The following CLCA1 variants were observed in gnomAD, a reference collection of about 807,000 sequenced individuals.
CLCA1 encodes the protein chloride channel accessory 1.
In CLCA1, 59 loss-of-function variants were observed where a neutral mutation model predicts 85.6. The ratio of observed to expected loss-of-function variants is 0.69; its 90% CI spans 0.56 to 0.86. CLCA1 has a LOEUF of 0.86. Ranked by LOEUF, CLCA1 falls within the 40% of genes least tolerant of loss-of-function variation. CLCA1 has a pLI of 0.00. For missense variants in CLCA1, 1,022 were observed against 1,101.4 expected (o/e 0.93, Z 1.02); for synonymous variants, 396 against 398.3 (o/e 0.99, Z 0.07).
At chr1:86,483,025 G>A (rs2791512) in intron 5 of CLCA1, among the ~76,000 whole-genome samples, 107,957 of 152,044 alleles carry the variant, frequency 0.71, 39,093 homozygotes, top group Non-Finnish European at 0.79. Context: ...AGTCTCTCTT[G>A]TCTTCCAGTC....
intron 7 of CLCA1, among the ~76,000 whole-genome samples, chr1:86,487,760 T>C: frequency 6.6e-6 from 1 of 152,202 alleles, no homozygotes; most frequent in Non-Finnish European, 1.5e-5. Context: ...CCTCTAGCCA[T>C]ACTGTATACT....
intron 10 of CLCA1, 66 bp downstream of exon 10, chr1:86,493,665 T>C (rs928275415): frequency 1.2e-5 from 15 of 1,245,392 alleles, no homozygotes; most frequent in Middle Eastern, 1.9e-4. Flanking sequence ...TACAGAATAA[T>C]TGTAGCATTT....
intron 4 of CLCA1, among the ~76,000 whole-genome samples, chr1:86,477,149 T>C (rs1189216806): frequency 6.6e-6 from 1 of 152,128 alleles, no homozygotes; most frequent in Non-Finnish European, 1.5e-5. Context: ...ACAGGCAGGG[T>C]GTCCTTATGT....
intron 1 of CLCA1, among the ~76,000 whole-genome samples, chr1:86,472,742 A>T (rs1044559214): frequency 1.3e-5 from 2 of 152,216 alleles, no homozygotes; most frequent in African/African-American, 4.8e-5. Context: ...ACAAAAAATA[A>T]ATACTTCTAT....
At chr1:86,499,614 A>G in intron 13 of CLCA1, 40 bp from the exon 14 acceptor site, 3 of 1,321,540 alleles carry the variant, frequency 2.3e-6, no homozygotes, top group African/African-American at 1.5e-5. Flanking sequence ...TTTCTTTAAT[A>G]TTTCAGAATT....
intron 4 of CLCA1, among the ~76,000 whole-genome samples, chr1:86,480,725 T>C (rs1647794566): frequency 2.0e-5 from 3 of 152,226 alleles, no homozygotes; most frequent in African/African-American, 7.2e-5. Context: ...AGGGATGAGA[T>C]TCATTTATTG....
At position 86,486,622 on chromosome 1, in the gene CLCA1, A is replaced by G; in HGVS notation, c.1051A>G (p.Ser351Gly). 1 of 1,614,210 alleles carries G rather than the reference A, an allele frequency of 6.2e-7. No individual in the cohort carries two copies. Among genetic ancestry groups the G allele is most frequent in the Non-Finnish European group, 8.5e-7 (1 of 1,180,042 alleles). Reference sequence around the variant, plus strand: ...CTGGGTTGGGATGGTGACATTTGACAGTGCTGCCCATGTACAAAATGAACT... The same window carrying G: ...CTGGGTTGGGATGGTGACATTTGACGGTGCTGCCCATGTACAAAATGAACT... ...GSWVGMVTFDSAAHVQNELIQ... is the reference protein window; with the variant it reads ...GSWVGMVTFDGAAHVQNELIQ... The change falls in exon 7 of 14, where the codon AGT (serine) becomes GGT (glycine). Residue 351 changes from serine to glycine, a missense_variant. Coordinates refer to ENST00000394711, the MANE Select transcript of CLCA1 (RefSeq NM_001285.4).
Position 86,493,486 on chromosome 1 carries a change from A to G in CLCA1, c.1567A>G (p.Thr523Ala), listed in dbSNP as rs903240366. The G allele has an allele frequency of 1.9e-6, 3 of 1,613,936 alleles. No homozygotes were observed. The highest frequency in any genetic ancestry group is 1.7e-5 in the Admixed American group (1 of 59,990). The change falls in exon 10 of 14, where the codon ACA becomes GCA. Residue 523 changes from threonine to alanine, a missense_variant. Physicochemically the swap from Thr to Ala is moderately conservative, Grantham distance 58 (BLOSUM62 0). Coordinates refer to ENST00000394711, the MANE Select transcript of CLCA1 (RefSeq NM_001285.4). Reference sequence around the variant, plus strand: ...GGACACTTTGTTTCTTATCACCTGGACAATGCAGCCTCCCCAAATCCTTCT... The same window carrying G: ...GGACACTTTGTTTCTTATCACCTGGGCAATGCAGCCTCCCCAAATCCTTCT... ...GKDTLFLITWTMQPPQILLWD... is the reference protein window; with the variant it reads ...GKDTLFLITWAMQPPQILLWD...
intron 12 of CLCA1, among the ~76,000 whole-genome samples, chr1:86,496,575 G>A (rs1648292036): frequency 6.6e-6 from 1 of 152,200 alleles, no homozygotes; most frequent in Non-Finnish European, 1.5e-5. Flanking sequence ...TCCTGGGCAG[G>A]CTTTCTCCTG....
At chr1:86,486,471 G>C (rs553382893) in intron 6 of CLCA1, 55 bp from the exon 7 acceptor site, 1 of 1,532,628 alleles carries the variant, frequency 6.5e-7, no homozygotes, top group Non-Finnish European at 9.0e-7. Context: ...GGCCTTTTCT[G>C]TTATTAGTCT....
At chr1:86,473,933 T>C (rs1269948331) in intron 3 of CLCA1, 57 bp downstream of exon 3, 1 of 1,274,666 alleles carries the variant, frequency 7.8e-7, no homozygotes, top group Non-Finnish European at 1.1e-6. Flanking sequence ...GTTCAAAGTG[T>C]ATCAACACTA....
chr1:86,482,168 G>A (rs199694681), intron 4 of CLCA1, 37 bp from the exon 5 acceptor site: 667 of 1,515,180 alleles, frequency 4.4e-4, no homozygotes, highest in South Asian at 6.1e-4. Flanking sequence ...TTGAAATGAC[G>A]ACATCACCTA....
chr1:86,480,914 C>T (rs557850865), intron 4 of CLCA1, among the ~76,000 whole-genome samples: 51 of 152,208 alleles, frequency 3.4e-4, no homozygotes, highest in African/African-American at 8.7e-4. Flanking sequence ...GCTGTATCAA[C>T]GGGCTTTAAA....
chr1:86,475,190 C>T (rs1259733810), intron 3 of CLCA1, among the ~76,000 whole-genome samples: 4 of 152,188 alleles, frequency 2.6e-5, no homozygotes, highest in African/African-American at 9.7e-5. Context: ...AAAACCATTC[C>T]TTAATAGTGT....
At chr1:86,474,077 T>C (rs994448022) in intron 3 of CLCA1, among the ~76,000 whole-genome samples, 3 of 152,242 alleles carry the variant, frequency 2.0e-5, no homozygotes, top group African/African-American at 7.2e-5. Context: ...TAATTTACTT[T>C]AGATACATGT....
At chr1:86,494,780 C>A (rs1648229428) in intron 11 of CLCA1, among the ~76,000 whole-genome samples, 1 of 152,190 alleles carries the variant, frequency 6.6e-6, no homozygotes, top group South Asian at 2.1e-4. Flanking sequence ...TATACACATA[C>A]ATACATACAC....
At chr1:86,474,267 G>T (rs967311628) in intron 3 of CLCA1, among the ~76,000 whole-genome samples, 1 of 152,206 alleles carries the variant, frequency 6.6e-6, no homozygotes, top group Non-Finnish European at 1.5e-5. Context: ...TCTCAGACGT[G>T]CATTCAAATT....
intron 11 of CLCA1, 89 bp from the exon 12 acceptor site, chr1:86,495,416 C>A: frequency 2.7e-6 from 3 of 1,107,170 alleles, no homozygotes; most frequent in Non-Finnish European, 3.9e-6. Flanking sequence ...TTTCTTGTTG[C>A]TTTGAAAATT....
intron 4 of CLCA1, 85 bp downstream of exon 4, chr1:86,476,638 G>C (rs78185315): frequency 8.5e-6 from 5 of 589,824 alleles, no homozygotes; most frequent in Non-Finnish European, 1.5e-5. Flanking sequence ...AAAAATGTGT[G>C]TCCTGGCTTA....
Sources: gnomAD v4.1 joint callset for allele counts (sites outside exome capture counted in the v4.1 genomes callset) on GRCh38, gnomAD v4.1.1 for gene constraint, MANE v1.5 for transcripts, NCBI Gene and HGNC (gene_info 2026-07-23, HGNC 2026-07-21) for gene names.